The following DSC3 variants were observed in gnomAD, a reference collection of about 807,000 sequenced individuals.
DSC3 encodes desmocollin-3.
DSC3 carries 97 observed loss-of-function variants against 89.5 expected under a neutral mutation model. That is an observed-to-expected ratio of 1.08 (90% CI 0.92 to 1.28). The LOEUF is 1.28. Ranked by LOEUF, DSC3 falls within the 50% of genes most tolerant of loss-of-function variation. The probability of loss-of-function intolerance (pLI) is 0.00; values close to 1 mark genes in which losing one functional copy is unlikely to be tolerated. For missense variants in DSC3, 1,199 were observed against 1,085.3 expected (o/e 1.10, Z -1.47); for synonymous variants, 436 against 384.1 (o/e 1.14, Z -1.58).
At position 31,042,605 on chromosome 18, in the gene DSC3, A is replaced by G. The variant is rs752637115; in HGVS notation, c.56T>C (p.Leu19Pro). ...GATCTGGCTTACCACGAGGGTCAGC[A>G]GCAGATGCAGGCAGACGGCTCCGCG... Reference protein sequence around the residue: ...SVRGAVCLHLLLTLVIFSRAG... With the variant: ...SVRGAVCLHLPLTLVIFSRAG... Residue 19 changes from leucine to proline, a missense_variant, in exon 1 of 16, where the codon CTG (leucine) becomes CCG (proline). Leu to Pro is a moderately conservative substitution (Grantham distance 98). Coordinates refer to ENST00000360428, the MANE Select transcript of DSC3 (RefSeq NM_001941.5). 6.4e-7 allele frequency: 1 copy of G among 1,550,504 alleles called. No individual in the cohort carries two copies. Among genetic ancestry groups the G allele is most frequent in the Non-Finnish European group, 8.7e-7 (1 of 1,146,922 alleles).
At position 31,025,587 on chromosome 18, in the gene DSC3, T is replaced by G. The variant is rs1985569676; in HGVS notation, c.630+173A>C. Among the ~76,000 whole-genome samples, 3 of 152,142 alleles carry G rather than the reference T, an allele frequency of 2.0e-5. No individual in the cohort carries two copies. In the South Asian group the frequency reaches 6.2e-4, roughly 31 times the overall value. ...TCATTTCAGGCTTACCTAACAGCAG[T>G]TGAGACAAAGAGCTGACCAAGTATT... On this transcript the variant is annotated intron_variant, in intron 5 of 15. Transcript: ENST00000360428.
chr18:31,018,898 ATC>A (rs1018250595), intron 7 of DSC3, 98 bp from the exon 8 acceptor site: 2 of 1,116,348 alleles, frequency 1.8e-6, no homozygotes, highest in Non-Finnish European at 2.6e-6. Flanking sequence ...ATACACACAC[ATC>A]TGTGTGTTTC....
chr18:31,020,776 C>A (rs888025229), intron 7 of DSC3, among the ~76,000 whole-genome samples: 1 of 151,884 alleles, frequency 6.6e-6, no homozygotes, highest in Admixed American at 6.6e-5. Context: ...AATCCTGTCT[C>A]CACAAACAAT....
At position 31,029,412 on chromosome 18, in the gene DSC3, G is replaced by A. The variant is rs1025484500; in HGVS notation, c.474+97C>T. 3 of 1,473,388 alleles carry A rather than the reference G, an allele frequency of 2.0e-6. No individual in the cohort carries two copies. In the African/African-American group the frequency reaches 4.2e-5, roughly 21 times the overall value. The allele number at this position is 1,473,388 out of a possible 1,614,324, so 91.3% of individuals were successfully genotyped here. On this transcript the variant is annotated intron_variant, in intron 4 of 15. Transcript: ENST00000360428. ...TACACCTCATGAACATCTTTAATCA[G>A]ATCTGTTTATTTTTATATGTTTAAA...
chr18:31,036,995 G>A (rs1266115503), intron 1 of DSC3, among the ~76,000 whole-genome samples: 1 of 151,842 alleles, frequency 6.6e-6, no homozygotes, highest in African/African-American at 2.4e-5. Flanking sequence ...GTTTCACCAT[G>A]TTGGACAGGC....
chr18:31,029,147 G>T (rs1322731358), intron 4 of DSC3, among the ~76,000 whole-genome samples: 1 of 152,044 alleles, frequency 6.6e-6, no homozygotes, highest in Non-Finnish European at 1.5e-5. Flanking sequence ...ACTGAAAATT[G>T]TAATTATTAT....
At chr18:30,995,475 C>A (rs2850322) in intron 15 of DSC3, among the ~76,000 whole-genome samples, 1 of 152,180 alleles carries the variant, frequency 6.6e-6, no homozygotes, top group African/African-American at 2.4e-5. Context: ...TACTGTTTGT[C>A]CTGCAATGGC....
intron 7 of DSC3, among the ~76,000 whole-genome samples, chr18:31,021,883 C>CA (rs1483705811): frequency 2.0e-5 from 3 of 151,832 alleles, no homozygotes; most frequent in African/African-American, 4.8e-5. Flanking sequence ...TACTATCATC[C>CA]AAAAAAGTGT....
chr18:31,014,598 A>G (rs1985174285), intron 9 of DSC3, among the ~76,000 whole-genome samples: 2 of 152,174 alleles, frequency 1.3e-5, no homozygotes, highest in Non-Finnish European at 2.9e-5. Flanking sequence ...CAATTAAATG[A>G]GATACTATAG....
At chr18:31,029,076 T>C (rs1985693379) in intron 4 of DSC3, among the ~76,000 whole-genome samples, 1 of 152,314 alleles carries the variant, frequency 6.6e-6, no homozygotes, top group South Asian at 2.1e-4. Context: ...CAGGGTTTAA[T>C]GTTCATCTCA....
At chr18:30,997,142 T>C (rs186635398) in intron 14 of DSC3, 94 bp from the exon 15 acceptor site, 24 of 1,437,986 alleles carry the variant, frequency 1.7e-5, no homozygotes, top group Admixed American at 6.9e-5. Flanking sequence ...GTTCAACCTT[T>C]TATTCATTCA....
chr18:30,996,000 G>GAAAA (rs1984449445), intron 15 of DSC3, among the ~76,000 whole-genome samples: 7 of 79,882 alleles, frequency 8.8e-5, no homozygotes, highest in Admixed American at 1.4e-4. Flanking sequence ...AAAAAAAAAA[G>GAAAA]AAAAGAAAGA....
chr18:31,033,988 T>G (rs1246325768), intron 1 of DSC3, among the ~76,000 whole-genome samples: 1 of 152,148 alleles, frequency 6.6e-6, no homozygotes, highest in East Asian at 1.9e-4. Context: ...CACGATCGGC[T>G]AATTTTTTTG....
intron 15 of DSC3, among the ~76,000 whole-genome samples, chr18:30,994,720 T>C (rs1439295824): frequency 6.6e-6 from 1 of 152,234 alleles, no homozygotes; most frequent in Non-Finnish European, 1.5e-5. Context: ...GAGTTTGAGA[T>C]AGGATGTCAA....
rs113425084 is a variant in DSC3 at position 31,008,570 on chromosome 18, T to G, written c.1264-45A>C. The G allele has an allele frequency of 4.4e-5, 71 of 1,609,216 alleles. No homozygotes were observed. In the South Asian group the frequency reaches 7.8e-4, roughly 18 times the overall value. On this transcript the variant is annotated intron_variant, in intron 9 of 15. Transcript: ENST00000360428. ...TATATCAGTGTCAGTGTAAAATACA[T>G]CTGGCATTTCAAATGGCAAGTGAAC...
At chr18:31,022,543 T>C in intron 6 of DSC3, 41 bp from the exon 7 acceptor site, 1 of 1,605,688 alleles carries the variant, frequency 6.2e-7, no homozygotes, top group South Asian at 1.1e-5. Context: ...TTTACAGAAT[T>C]GTTAAATATA....
Position 31,035,925 on chromosome 18 carries a change from C to G in DSC3, c.70-3649G>C, listed in dbSNP as rs148527969. Among the ~76,000 whole-genome samples the G allele has an allele frequency of 8.7e-3, 1,325 of 152,152 alleles. 25 individuals are homozygous for G. Among genetic ancestry groups the G allele is most frequent in the African/African-American group, 0.03 (1,242 of 41,534 alleles). On this transcript the variant is annotated intron_variant, in intron 1 of 15. Transcript: ENST00000360428. ...AATATAAGCTGGTTTTGGGTAGTAT[C>G]TGTTTATATGCATCCTTTTGCAGTT...
Position 30,990,810 on chromosome 18 carries a change from C to T in DSC3, c.*3365G>A, listed in dbSNP as rs535739333. ...TAACCACCTTCTAATACTTTTAATA[C>T]CCAATCAAAATTTATTATACATATG... is the stretch of plus-strand genomic sequence containing the variant. On this transcript the variant is annotated 3_prime_UTR_variant, in exon 16 of 16. Coordinates refer to ENST00000360428, the MANE Select transcript of DSC3 (RefSeq NM_001941.5). The T allele has an allele frequency of 6.6e-6, 1 of 152,238 alleles. No homozygotes were observed. The highest frequency in any genetic ancestry group is 1.9e-4 in the East Asian group (1 of 5,184). 9.4% of individuals were successfully genotyped at this position (152,238 alleles called of 1,614,324 possible). A position where few individuals can be genotyped will look rare whatever the true frequency, so the allele number is the denominator to read the frequency against.
Position 31,004,231 on chromosome 18 carries a change from G to A in DSC3, c.2024C>T (p.Thr675Ile), listed in dbSNP as rs1984760278. 32 of 1,613,876 alleles carry A rather than the reference G, an allele frequency of 2.0e-5. No homozygotes were observed. Among genetic ancestry groups the A allele is most frequent in the Non-Finnish European group, 2.7e-5 (32 of 1,179,944 alleles). ...ACTCCTTGAAGTCGCACGACACTGA[G>A]TTGGATGAGTACATTCACACAGATT... ...RVNLCECTHP[T>I]QCRATSRSTG... Residue 675 changes from threonine to isoleucine, a missense_variant, in exon 13 of 16, where the codon ACT (threonine) becomes ATT (isoleucine). Thr to Ile is a moderately conservative substitution (Grantham distance 89, BLOSUM62 -1). Transcript: ENST00000360428.
Sources: gnomAD v4.1 joint callset for allele counts (sites outside exome capture counted in the v4.1 genomes callset) on GRCh38, gnomAD v4.1.1 for gene constraint, MANE v1.5 for transcripts, NCBI Gene and HGNC (gene_info 2026-07-23, HGNC 2026-07-21) for gene names.